ITGA8: variants seen among roughly 807,000 people sequenced by gnomAD.
The protein encoded by ITGA8 is integrin subunit alpha 8.
Under a neutral mutation model 142.3 loss-of-function variants are expected in ITGA8, and 91 were observed. The observed-to-expected ratio is 0.64, with a 90% CI of 0.54 to 0.76. The LOEUF is 0.76. ITGA8 is among the 30% of genes least tolerant of loss of function. ITGA8 has a pLI of 0.00. For missense variants in ITGA8, 1,406 were observed against 1,327.7 expected (o/e 1.06, Z -0.92); for synonymous variants, 505 against 485.2 (o/e 1.04, Z -0.54).
At position 15,572,314 on chromosome 10, in the gene ITGA8, G is replaced by A. The variant is rs1834200745; in HGVS notation, c.2534C>T (p.Pro845Leu). The A allele has an allele frequency of 6.2e-7, 1 of 1,614,010 alleles. No individual in the cohort carries two copies. The highest frequency in any genetic ancestry group is 8.5e-7 in the Non-Finnish European group (1 of 1,179,956). ...AAGAAATTCATCCCGGGCAGAGAAA[G>A]GCCAGCCCACCTCCAGGATGGTGTC... ...ISDTILEVGW[P>L]FSARDEFLLY... Residue 845 changes from proline to leucine, a missense_variant, in exon 25 of 30, where the codon CCT becomes CTT. Coordinates refer to ENST00000378076, the MANE Select transcript of ITGA8 (RefSeq NM_003638.3).
At chr10:15,661,144 C>A (rs898890185) in intron 8 of ITGA8, among the ~76,000 whole-genome samples, 4 of 152,176 alleles carry the variant, frequency 2.6e-5, no homozygotes, top group Non-Finnish European at 5.9e-5. Context: ...CGAGCCAGAA[C>A]GAAGCTTCAT....
rs1564401981 is a variant in ITGA8, at chr10:15,671,544, TG to T, written c.847+58del. ...TCACATTGATAGAAAAAACTTTATA[TG>T]CCATTTTACCATTTCCCCATGCTTT... On this transcript the variant is annotated intron_variant, in intron 8 of 29. Transcript: ENST00000378076. 46 of 1,413,492 alleles carry T rather than the reference TG, an allele frequency of 3.3e-5. No homozygotes were observed. In the Admixed American group the frequency reaches 7.8e-4, roughly 24 times the overall value. 87.6% of individuals were successfully genotyped at this position (1,413,492 alleles called of 1,614,324 possible).
intron 25 of ITGA8, among the ~76,000 whole-genome samples, chr10:15,561,083 T>A (rs909721900): frequency 1.1e-4 from 16 of 151,702 alleles, no homozygotes; most frequent in Non-Finnish European, 2.1e-4. Flanking sequence ...AAAGACAGCA[T>A]CTTGCTATGT....
chr10:15,519,733 T>C (rs1011070683), intron 28 of ITGA8, among the ~76,000 whole-genome samples: 1 of 152,142 alleles, frequency 6.6e-6, no homozygotes, highest in African/African-American at 2.4e-5. Flanking sequence ...CTGGAACTTT[T>C]ATGGGAACAA....
intron 25 of ITGA8, among the ~76,000 whole-genome samples, chr10:15,564,418 G>C (rs556848202): frequency 1.2e-3 from 180 of 152,340 alleles, no homozygotes; most frequent in Admixed American, 2.7e-3. Flanking sequence ...ATCCATGATA[G>C]GCAGACAGTT....
chr10:15,535,728 T>C (rs1010090211), intron 27 of ITGA8, among the ~76,000 whole-genome samples: 1 of 152,094 alleles, frequency 6.6e-6, no homozygotes, highest in African/African-American at 2.4e-5. Flanking sequence ...CAGCAGGATG[T>C]GGGTGGGGCC....
rs1222711473 is a variant in ITGA8, at chr10:15,644,433, A to AACATATATATAT, written c.1208-213_1208-212insATATATATATGT. On this transcript the variant is annotated intron_variant, in intron 12 of 29. Coordinates refer to ENST00000378076, the MANE Select transcript of ITGA8 (RefSeq NM_003638.3). ...CAGGTGCATACCACCATGTCAGGCTAATATATATATATATATATATATATA... is the reference window on the plus strand; with the variant it reads ...CAGGTGCATACCACCATGTCAGGCTAACATATATATATATATATATATATATATATATATATA... Among the ~76,000 whole-genome samples the AACATATATATAT allele has an allele frequency of 3.1e-4, 13 of 42,456 alleles. 3 individuals are homozygous for AACATATATATAT. The highest frequency in any genetic ancestry group is 4.5e-4 in the Non-Finnish European group (11 of 24,372). 27.9% of individuals were successfully genotyped at this position (42,456 alleles called of 152,430 possible).
intron 2 of ITGA8, among the ~76,000 whole-genome samples, chr10:15,703,928 C>T (rs1261616818): frequency 6.6e-6 from 1 of 152,190 alleles, no homozygotes; most frequent in African/African-American, 2.4e-5. Context: ...TCTGCTGTTA[C>T]AGCACTTAAG....
At position 15,605,729 on chromosome 10, in the gene ITGA8, A is replaced by G. The variant is rs768760035; in HGVS notation, c.1965T>C (p.Ala655=). ...NLCVPDLKLS[A]RPDKHQVIIG... ...ATTTAGTTATTTAAACTTACGGTCT[A>G]GCCGACAGCTTCAAGTCAGGAACAC... is the stretch of plus-strand genomic sequence containing the variant. The change falls in exon 19 of 30, where the codon GCT becomes GCC. Residue 655 remains alanine (A), a synonymous_variant. Transcript: ENST00000378076. 4 of 1,612,406 alleles carry G rather than the reference A, an allele frequency of 2.5e-6. No homozygotes were observed. Among genetic ancestry groups the G allele is most frequent in the Non-Finnish European group, 3.4e-6 (4 of 1,178,586 alleles).
chr10:15,719,480 G>A (rs1835517183), intron 1 of ITGA8, 83 bp downstream of exon 1: 1 of 1,293,434 alleles, frequency 7.7e-7, no homozygotes, highest in Non-Finnish European at 1.0e-6. Flanking sequence ...CAGGCTGCGG[G>A]GGGACTCCGC....
At chr10:15,637,351 C>T (rs1833789155) in intron 13 of ITGA8, among the ~76,000 whole-genome samples, 1 of 151,976 alleles carries the variant, frequency 6.6e-6, no homozygotes, top group Non-Finnish European at 1.5e-5. Flanking sequence ...CACACACAAC[C>T]CAGTGAAGTA....
chr10:15,629,838 GAA>G (rs1833653069), intron 13 of ITGA8, among the ~76,000 whole-genome samples: 1 of 152,058 alleles, frequency 6.6e-6, no homozygotes, highest in African/African-American at 2.4e-5. Context: ...GAGGAAGAGA[GAA>G]TCTCTTGAAC....
chr10:15,592,563 T>C (rs972174650), intron 21 of ITGA8, among the ~76,000 whole-genome samples: 10 of 152,200 alleles, frequency 6.6e-5, no homozygotes, highest in Non-Finnish European at 1.5e-4. Context: ...GTGTGTTAAA[T>C]TGAAAATAAT....
intron 4 of ITGA8, among the ~76,000 whole-genome samples, chr10:15,682,837 G>T (rs1231341553): frequency 3.0e-5 from 4 of 131,726 alleles, no homozygotes; most frequent in Non-Finnish European, 6.3e-5. Flanking sequence ...CTGGGTGACA[G>T]AGTGAGACCC....
chr10:15,560,977 G>A (rs1170285674), intron 25 of ITGA8, among the ~76,000 whole-genome samples: 2 of 151,730 alleles, frequency 1.3e-5, no homozygotes, highest in Non-Finnish European at 2.9e-5. Context: ...GGGTACAATC[G>A]CAGCTCATTA....
chr10:15,539,705 T>C (rs976794729), intron 27 of ITGA8, among the ~76,000 whole-genome samples: 2 of 152,302 alleles, frequency 1.3e-5, no homozygotes, highest in Non-Finnish European at 2.9e-5. Context: ...GTACATGTGA[T>C]ATTTTGTTAC....
At chr10:15,542,078 A>G (rs969010398) in intron 27 of ITGA8, among the ~76,000 whole-genome samples, 2 of 152,184 alleles carry the variant, frequency 1.3e-5, no homozygotes, top group South Asian at 2.1e-4. Context: ...AAGGTGGCCA[A>G]TGACACTGTT....
chr10:15,518,805 A>G (rs901125989), intron 29 of ITGA8, among the ~76,000 whole-genome samples: 1 of 152,256 alleles, frequency 6.6e-6, no homozygotes, highest in Non-Finnish European at 1.5e-5. Context: ...TATCACATGC[A>G]TAATCTATTT....
chr10:15,591,189 T>G (rs1285284078), intron 22 of ITGA8, among the ~76,000 whole-genome samples: 2 of 151,998 alleles, frequency 1.3e-5, no homozygotes, highest in Non-Finnish European at 2.9e-5. Flanking sequence ...AGACTCAAAT[T>G]GTGGATACTG....
Sources: allele counts gnomAD v4.1 joint callset (sites outside exome capture counted in the v4.1 genomes callset), GRCh38; gene constraint gnomAD v4.1.1; transcripts MANE v1.5; gene names NCBI Gene and HGNC (gene_info 2026-07-23, HGNC 2026-07-21).